The following RANBP2 variants were observed in gnomAD, a reference collection of about 807,000 sequenced individuals.
The protein encoded by RANBP2 is E3 SUMO-protein ligase RanBP2.
Under a neutral mutation model 303.6 loss-of-function variants are expected in RANBP2, and 57 were observed. The ratio of observed to expected loss-of-function variants is 0.19; its 90% CI spans 0.15 to 0.23. The LOEUF is 0.23. Ranked by LOEUF, RANBP2 falls within the 10% of genes least tolerant of loss-of-function variation. The pLI is 1.00. For missense variants in RANBP2, 3,138 were observed against 3,780.8 expected (o/e 0.83, Z 4.46); for synonymous variants, 1,167 against 1,301.5 (o/e 0.90, Z 2.23).
chr2:109,140,443 C>T, the RANBP2 span, among the ~76,000 whole-genome samples: 2 of 151,634 alleles, frequency 1.3e-5, no homozygotes, highest in Non-Finnish European at 2.9e-5. Flanking sequence ...TGCAGTGGTG[C>T]GATCTTGGCT....
the RANBP2 span, among the ~76,000 whole-genome samples, chr2:109,448,443 A>G: frequency 6.6e-6 from 1 of 152,168 alleles, no homozygotes; most frequent in African/African-American, 2.4e-5. Flanking sequence ...CTGTATTTAC[A>G]GCCCCTCCTC....
the RANBP2 span, among the ~76,000 whole-genome samples, chr2:109,107,099 G>A: frequency 1.8e-4 from 28 of 151,688 alleles, no homozygotes; most frequent in East Asian, 5.9e-4. Context: ...CACCGTGCCC[G>A]GCTAGTTTTT....
At chr2:109,671,475 G>A in the RANBP2 span, among the ~76,000 whole-genome samples, 103 of 152,218 alleles carry the variant, frequency 6.8e-4, no homozygotes, top group African/African-American at 2.5e-3. Context: ...CCTGGCATAG[G>A]TAGGAAGCTG....
the RANBP2 span, chr2:109,419,757 A>G: frequency 1.0e-6 from 1 of 971,652 alleles, no homozygotes. Flanking sequence ...CTAGTTGGCC[A>G]GTATAGTTAT....
chr2:109,651,299 C>T, the RANBP2 span, among the ~76,000 whole-genome samples: 2 of 152,084 alleles, frequency 1.3e-5, no homozygotes, highest in Non-Finnish European at 2.9e-5. Context: ...GGGCTTGGCT[C>T]CTAGATGGTT....
At chr2:109,351,451 C>A in the RANBP2 span, among the ~76,000 whole-genome samples, 17 of 152,206 alleles carry the variant, frequency 1.1e-4, no homozygotes, top group Admixed American at 4.6e-4. Context: ...GTGAACTACT[C>A]CATTGTTTGA....
the RANBP2 span, among the ~76,000 whole-genome samples, chr2:108,957,910 G>A: frequency 2.0e-5 from 3 of 152,258 alleles, no homozygotes; most frequent in South Asian, 6.2e-4. Flanking sequence ...GCTGACAAAA[G>A]CAACCTGTCT....
chr2:109,463,945 G>A, the RANBP2 span, among the ~76,000 whole-genome samples: 6 of 152,128 alleles, frequency 3.9e-5, no homozygotes, highest in Admixed American at 1.3e-4. Flanking sequence ...AGAGGCACCC[G>A]TACAAAGTGT....
At chr2:109,735,603 A>C in the RANBP2 span, among the ~76,000 whole-genome samples, 1 of 152,210 alleles carries the variant, frequency 6.6e-6, no homozygotes, top group Non-Finnish European at 1.5e-5. Flanking sequence ...CAATTTTATT[A>C]CAAGTTTTTA....
the RANBP2 span, among the ~76,000 whole-genome samples, chr2:108,796,995 T>C: frequency 6.6e-6 from 1 of 152,142 alleles, no homozygotes; most frequent in African/African-American, 2.4e-5. Context: ...AAAGAAAGAA[T>C]AAATGTTTGA....
chr2:109,747,856 C>G, the RANBP2 span, among the ~76,000 whole-genome samples: 12 of 140,718 alleles, frequency 8.5e-5, no homozygotes, highest in Admixed American at 4.4e-4. Flanking sequence ...CATTCTCAAC[C>G]CAGTTGTTTA....
chr2:109,683,866 A>T, the RANBP2 span, among the ~76,000 whole-genome samples: 5 of 152,278 alleles, frequency 3.3e-5, no homozygotes, highest in African/African-American at 1.2e-4. Context: ...CTCTGAGTGG[A>T]GACTATTTCA....
the RANBP2 span, chr2:108,906,449 C>T: frequency 6.9e-7 from 1 of 1,458,482 alleles, no homozygotes; most frequent in Non-Finnish European, 9.6e-7. Flanking sequence ...TCAGCAGGGG[C>T]AGGCAGCAGC....
At chr2:108,924,625 G>T in the RANBP2 span, among the ~76,000 whole-genome samples, 1 of 152,176 alleles carries the variant, frequency 6.6e-6, no homozygotes, top group Non-Finnish European at 1.5e-5. Flanking sequence ...GGGGGTCTGT[G>T]GGCTCCTGCC....
the RANBP2 span, among the ~76,000 whole-genome samples, chr2:109,090,781 CAAA>C: frequency 6.6e-6 from 1 of 152,050 alleles, no homozygotes; most frequent in African/African-American, 2.4e-5. Flanking sequence ...AAATATTTTT[CAAA>C]TAATAATTTT....
chr2:109,680,270 G>A, the RANBP2 span, among the ~76,000 whole-genome samples: 7 of 151,344 alleles, frequency 4.6e-5, no homozygotes, highest in East Asian at 1.9e-4. Flanking sequence ...GGAGAATGGT[G>A]TAAACCCCGG....
the RANBP2 span, among the ~76,000 whole-genome samples, chr2:109,349,375 C>T: frequency 6.6e-6 from 1 of 152,236 alleles, no homozygotes; most frequent in South Asian, 2.1e-4. Flanking sequence ...TCTGGCTGCA[C>T]AGCTTCCCGG....
chr2:109,251,745 C>G, the RANBP2 span: 2 of 624,186 alleles, frequency 3.2e-6, no homozygotes, highest in Non-Finnish European at 5.7e-6. Flanking sequence ...TCATATTAGA[C>G]TTTTTGTTAA....
In RANBP2 at chr2:108,748,905, A is replaced by G. The variant is rs1463179333; in HGVS notation, c.1064-15A>G. 2.5e-6 allele frequency: 4 copies of G among 1,611,696 alleles called. No individual in the cohort carries two copies. The highest frequency in any genetic ancestry group is 2.3e-4 in the Middle Eastern group (1 of 4,430). Reference sequence around the variant, plus strand: ...AATTTTAAAGTGATGGAAATAACTTAAATTTTTTTTTCAGGGCACATGTTG... The same window carrying G: ...AATTTTAAAGTGATGGAAATAACTTGAATTTTTTTTTCAGGGCACATGTTG... On this transcript the variant is annotated splice_polypyrimidine_tract_variant and intron_variant, in intron 8 of 28. Transcript: ENST00000283195.
Sources: gnomAD v4.1 joint callset for allele counts (sites outside exome capture counted in the v4.1 genomes callset) on GRCh38, gnomAD v4.1.1 for gene constraint, MANE v1.5 for transcripts, NCBI Gene and HGNC (gene_info 2026-07-23, HGNC 2026-07-21) for gene names.